The following KIDINS220 variants were observed in gnomAD, a reference collection of about 807,000 sequenced individuals.
The protein encoded by KIDINS220 is kinase D interacting substrate 220.
In KIDINS220, 63 loss-of-function variants were observed where a neutral mutation model predicts 157.6. The ratio of observed to expected loss-of-function variants is 0.40; its 90% CI spans 0.33 to 0.49. The LOEUF (loss-of-function observed/expected upper bound fraction) is 0.49, where lower values mean the gene tolerates loss of function less well. Ranked by LOEUF, KIDINS220 falls within the 20% of genes least tolerant of loss-of-function variation. The probability of loss-of-function intolerance (pLI) is 0.66; values close to 1 mark genes in which losing one functional copy is unlikely to be tolerated. For synonymous variants in KIDINS220, 732 were observed against 783.6 expected (o/e 0.93, Z 1.10); for missense variants, 1,772 against 2,171.2 (o/e 0.82, Z 3.65).
chr2:8,727,091 T>C, downstream of KIDINS220: 8 of 1,027,068 alleles, frequency 7.8e-6, no homozygotes, highest in South Asian at 9.4e-5. Context: ...TTCAATTCAG[T>C]TGCATAATTA....
At chr2:8,797,794 C>T (rs1055075241) in intron 10 of KIDINS220, among the ~76,000 whole-genome samples, 3 of 152,162 alleles carry the variant, frequency 2.0e-5, no homozygotes, top group Non-Finnish European at 4.4e-5. Context: ...GGGGAACCAA[C>T]CACCAGTCAC....
intron 7 of KIDINS220, 116 bp downstream of exon 7, chr2:8,806,155 C>T (rs1165846427): frequency 5.9e-6 from 4 of 681,770 alleles, no homozygotes; most frequent in Non-Finnish European, 1.0e-5. Flanking sequence ...TTTCCTGTTA[C>T]TATCATTTTA....
intron 17 of KIDINS220, among the ~76,000 whole-genome samples, chr2:8,780,662 TATAAG>T (rs1273343455): frequency 2.6e-5 from 4 of 152,038 alleles, no homozygotes; most frequent in African/African-American, 9.6e-5. Flanking sequence ...ATTTTGCTAT[TATAAG>T]ATAAACTACC....
chr2:8,757,755 C>T (rs750864556), intron 22 of KIDINS220: 22 of 1,611,672 alleles, frequency 1.4e-5, no homozygotes, highest in South Asian at 9.9e-5. Flanking sequence ...AATGCCAATT[C>T]GGTCTCGGTC....
At position 8,810,557 on chromosome 2, in the gene KIDINS220, G is replaced by A. The variant is rs551230031; in HGVS notation, c.504+1838C>T. Among the ~76,000 whole-genome samples, 104 of 152,166 alleles carry A rather than the reference G, an allele frequency of 6.8e-4. 2 individuals are homozygous for A. The highest frequency in any genetic ancestry group is 2.2e-3 in the African/African-American group (91 of 41,534). Reference sequence around the variant, plus strand: ...TCCCAGCACTTTGGGAGGCCAAGGCGGGTGGATCACCTGAGCTCAGGAGTT... The same window carrying A: ...TCCCAGCACTTTGGGAGGCCAAGGCAGGTGGATCACCTGAGCTCAGGAGTT... On this transcript the variant is annotated intron_variant, in intron 6 of 29. Coordinates refer to ENST00000256707, the MANE Select transcript of KIDINS220 (RefSeq NM_020738.4).
rs377694962 is a variant in KIDINS220, at chr2:8,776,853, G to A, written c.2743C>T (p.Arg915Cys). 12 of 1,613,822 alleles carry A rather than the reference G, an allele frequency of 7.4e-6. No homozygotes were observed. In the African/African-American group the frequency reaches 1.1e-4, roughly 14 times the overall value. The change falls in exon 21 of 30, where the codon CGC becomes TGC. Residue 915 changes from arginine (R) to cysteine (C), a missense_variant. Physicochemically the swap from Arg to Cys is radical, Grantham distance 180. Around this residue, in one of 3 missense-constraint regions of KIDINS220, gnomAD observed 725 missense variants for 1,017.1 expected, o/e 0.71. Transcript: ENST00000256707. ...TTTGTAAGATCAAAGGACATCTGGC[G>A]AGTGATGGTCCTCTGCATCTGCCTT... Reference protein sequence around the residue: ...RRRQMQRTITRQMSFDLTKLL... With the variant: ...RRRQMQRTITCQMSFDLTKLL...
intron 26 of KIDINS220, among the ~76,000 whole-genome samples, chr2:8,737,674 T>C (rs1665072945): frequency 6.6e-6 from 1 of 152,240 alleles, no homozygotes; most frequent in African/African-American, 2.4e-5. Context: ...AAGTCTAGTA[T>C]TTATTTAGAA....
chr2:8,753,089 G>A lies in KIDINS220; in HGVS notation c.3012-1445C>T, dbSNP rs543185830. ...CAGTAAGCAAGAACGCATCACCGAG[G>A]GATAAAGGAAAGAAAAAGAAAGAGA... On this transcript the variant is annotated intron_variant, in intron 22 of 29. Transcript: ENST00000256707. Among the ~76,000 whole-genome samples, 51 of 152,124 alleles carry A rather than the reference G, an allele frequency of 3.4e-4. 1 individual carries two copies. The highest frequency in any genetic ancestry group is 4.9e-4 in the Non-Finnish European group (33 of 67,988).
chr2:8,788,620 T>G, intron 15 of KIDINS220, 27 bp downstream of exon 15: 1 of 1,593,978 alleles, frequency 6.3e-7, no homozygotes, highest in South Asian at 1.1e-5. Flanking sequence ...TCATTGAAGA[T>G]TTCTTCTGTC....
chr2:8,774,691 G>A (rs1670727293), intron 21 of KIDINS220, among the ~76,000 whole-genome samples: 1 of 152,232 alleles, frequency 6.6e-6, no homozygotes. Flanking sequence ...AAAGAAGTCA[G>A]TAAGGGATGG....
At chr2:8,830,002 C>T (rs920532089) in intron 1 of KIDINS220, among the ~76,000 whole-genome samples, 2 of 152,066 alleles carry the variant, frequency 1.3e-5, no homozygotes, top group East Asian at 1.9e-4. Context: ...TCCACACTCC[C>T]GCCTATGCTC....
At chr2:8,767,367 TA>T (rs1197896584) in intron 22 of KIDINS220, among the ~76,000 whole-genome samples, 1 of 152,030 alleles carries the variant, frequency 6.6e-6, no homozygotes, top group Non-Finnish European at 1.5e-5. Context: ...AAGCTATATA[TA>T]AAAAACACCA....
At chr2:8,747,514 T>G (rs1666752261) in intron 25 of KIDINS220, 2 of 443,148 alleles carry the variant, frequency 4.5e-6, no homozygotes, top group Non-Finnish European at 8.1e-6. Context: ...ATCCTCTATT[T>G]TTTATATCAT....
chr2:8,726,776 T>C (rs1393034486), downstream of KIDINS220: 11 of 442,532 alleles, frequency 2.5e-5, no homozygotes, highest in Admixed American at 6.0e-5. Flanking sequence ...GGTAAAAATA[T>C]AGTATTAGAA....
chr2:8,725,708 T>A (rs1663240022), downstream of KIDINS220: 1 of 152,208 alleles, frequency 6.6e-6, no homozygotes, highest in Non-Finnish European at 1.5e-5. Flanking sequence ...AATGTTAAAA[T>A]TAGAAAATGA....
chr2:8,735,826 C>T (rs772845164), intron 27 of KIDINS220, among the ~76,000 whole-genome samples: 4 of 152,162 alleles, frequency 2.6e-5, no homozygotes, highest in South Asian at 2.1e-4. Context: ...AGGAGGCCAG[C>T]GGCTCTGAGG....
chr2:8,735,898 T>C (rs906981582), intron 27 of KIDINS220, among the ~76,000 whole-genome samples: 1 of 152,140 alleles, frequency 6.6e-6, no homozygotes, highest in East Asian at 1.9e-4. Flanking sequence ...ACTACCCCGA[T>C]GGGAACAAAA....
intron 26 of KIDINS220, among the ~76,000 whole-genome samples, chr2:8,740,912 A>C (rs1406668648): frequency 6.6e-6 from 1 of 152,238 alleles, no homozygotes; most frequent in African/African-American, 2.4e-5. Context: ...ATTTGTACCA[A>C]AGTTAATTTA....
At chr2:8,753,870 G>A (rs560498643) in intron 22 of KIDINS220, among the ~76,000 whole-genome samples, 1 of 152,276 alleles carries the variant, frequency 6.6e-6, no homozygotes, top group South Asian at 2.1e-4. Flanking sequence ...AATAAGGGTA[G>A]CAATTTTCTC....
Sources: gnomAD v4.1 joint callset for allele counts (sites outside exome capture counted in the v4.1 genomes callset) on GRCh38, gnomAD v4.1.1 for gene constraint, gnomAD v4.1.1 regional missense constraint, MANE v1.5 for transcripts, NCBI Gene and HGNC (gene_info 2026-07-23, HGNC 2026-07-21) for gene names.